NTMT1: variants seen among roughly 807,000 people sequenced by gnomAD.
The protein encoded by NTMT1 is N-terminal Xaa-Pro-Lys N-methyltransferase 1.
In NTMT1, 8 loss-of-function variants were observed where a neutral mutation model predicts 17.5. The ratio of observed to expected loss-of-function variants is 0.46; its 90% CI spans 0.27 to 0.82. NTMT1 has a LOEUF of 0.82. Ranked by LOEUF, NTMT1 falls within the 40% of genes least tolerant of loss-of-function variation. The probability of loss-of-function intolerance (pLI) is 0.15; values close to 1 mark genes in which losing one functional copy is unlikely to be tolerated. For synonymous variants in NTMT1, 128 were observed against 126.8 expected (o/e 1.01, Z -0.06); for missense variants, 221 against 303.5 (o/e 0.73, Z 2.02).
chr9:129,619,491 A>G (rs1830561375), intron 1 of NTMT1: 2 of 1,535,358 alleles, frequency 1.3e-6, no homozygotes, highest in African/African-American at 2.7e-5. Flanking sequence ...TTCCTCCACT[A>G]CCCTACCCTT....
intron 1 of NTMT1, chr9:129,612,377 G>A (rs1171815020): frequency 7.4e-6 from 12 of 1,613,688 alleles, no homozygotes; most frequent in Non-Finnish European, 1.0e-5. Context: ...GTGTTGCGGA[G>A]GCCAGGAGGA....
At chr9:129,632,618 G>A in intron 1 of NTMT1, 32 bp from the exon 2 acceptor site, 1 of 1,537,478 alleles carries the variant, frequency 6.5e-7, no homozygotes, top group Admixed American at 1.8e-5. Context: ...CAGGTCCCTG[G>A]CCCGCTGACT....
chr9:129,633,967 T>C, intron 2 of NTMT1, 87 bp from the exon 3 acceptor site: 3 of 1,457,686 alleles, frequency 2.1e-6, no homozygotes, highest in Non-Finnish European at 9.2e-7. Context: ...GAATCCTGAC[T>C]TGAGTCTAAG....
In NTMT1 at chr9:129,614,377, G is replaced by T. The variant is rs1830245440; in HGVS notation, c.-55+5199G>T. Among the ~76,000 whole-genome samples, 1 of 152,170 alleles carries T rather than the reference G, an allele frequency of 6.6e-6. No individual in the cohort carries two copies. The highest frequency in any genetic ancestry group is 2.4e-5 in the African/African-American group (1 of 41,430). ...TCAGATCCCTCCCAAATCAGCGAAGGTCCTAGGTTTGCAGGGCATCGCCCA... is the reference window on the plus strand; with the variant it reads ...TCAGATCCCTCCCAAATCAGCGAAGTTCCTAGGTTTGCAGGGCATCGCCCA... On this transcript the variant is annotated intron_variant, in intron 1 of 3. Transcript: ENST00000372486. This position sits in a 1 kb window ranked among gnomAD's most constrained non-coding sequence, Gnocchi z 4.4.
chr9:129,612,381 AGGAGGAGAT>A, intron 1 of NTMT1: 1 of 1,613,888 alleles, frequency 6.2e-7, no homozygotes, highest in Non-Finnish European at 8.5e-7. Flanking sequence ...TGCGGAGGCC[AGGAGGAGAT>A]GGTACCCCTT....
In NTMT1 at chr9:129,620,574, T is replaced by C; in HGVS notation, c.-55+11396T>C. ...CCTGGGCGAAGTCGACGCCAGAACA[T>C]GCTTGGCCCCGCACTCAGCTCACCG... On this transcript the variant is annotated intron_variant, in intron 1 of 3. Coordinates refer to the NTMT1 transcript ENST00000372486. The surrounding 1 kb of genome is among the most constrained non-coding windows in gnomAD (Gnocchi z 5.8). 2 of 1,360,452 alleles carry C rather than the reference T, an allele frequency of 1.5e-6. No individual in the cohort carries two copies. Among genetic ancestry groups the C allele is most frequent in the Admixed American group, 5.9e-5 (2 of 33,744 alleles). 84.3% of individuals were successfully genotyped at this position (1,360,452 alleles called of 1,614,324 possible). A position where few individuals can be genotyped will look rare whatever the true frequency, so the allele number is the denominator to read the frequency against.
chr9:129,623,593 G>T (rs1294107992), upstream of NTMT1, among the ~76,000 whole-genome samples: 1 of 152,070 alleles, frequency 6.6e-6, no homozygotes, highest in African/African-American at 2.4e-5. Context: ...TGAAAATGAA[G>T]AAACGACTTT....
At chr9:129,633,730 G>T (rs531782136) in intron 2 of NTMT1, 2 of 236,018 alleles carry the variant, frequency 8.5e-6, no homozygotes, top group East Asian at 1.8e-4. Flanking sequence ...GGAGGCTGAG[G>T]TGGGAAGATG....
intron 1 of NTMT1, among the ~76,000 whole-genome samples, chr9:129,616,949 C>T (rs1830419590): frequency 6.6e-6 from 1 of 152,092 alleles, no homozygotes; most frequent in African/African-American, 2.4e-5. Flanking sequence ...TGGCGTGCGC[C>T]TGTAGTTCCA....
Position 129,635,306 on chromosome 9 carries a change from G to A in NTMT1, c.514G>A (p.Glu172Lys). The change falls in exon 4 of 4, where the codon GAG becomes AAG. Residue 172 changes from glutamate to lysine, a missense_variant. Glu to Lys is a moderately conservative substitution (Grantham distance 56). Coordinates refer to ENST00000372483, the MANE Select transcript of NTMT1 (RefSeq NM_014064.4). ...CGTCATCAAAGACAACATGGCCCAG[G>A]AGGGCGTGATTCTGGACGACGTGGA... The part of the protein sequence containing the change: ...IIVIKDNMAQ[E>K]GVILDDVDSS... 6.2e-7 allele frequency: 1 copy of A among 1,613,840 alleles called. No homozygotes were observed. The highest frequency in any genetic ancestry group is 1.3e-5 in the African/African-American group (1 of 75,082).
At chr9:129,631,179 C>T (rs1228029161) in intron 1 of NTMT1, among the ~76,000 whole-genome samples, 1 of 152,260 alleles carries the variant, frequency 6.6e-6, no homozygotes, top group African/African-American at 2.4e-5. Flanking sequence ...CTGCCCCTAT[C>T]TGCTGTTGGG....
In NTMT1 at chr9:129,634,089, G is replaced by A. The variant is rs1297033975; in HGVS notation, c.198G>A (p.Leu66=). ...GPNKTGTSCA[L]DCGAGIGRIT... ...ACAAGACAGGAACGTCCTGTGCCCTGGACTGTGGAGCTGGCATTGGGAGGA... is the reference window on the plus strand; with the variant it reads ...ACAAGACAGGAACGTCCTGTGCCCTAGACTGTGGAGCTGGCATTGGGAGGA... Residue 66 remains leucine (L), a synonymous_variant, in exon 3 of 4, where the codon CTG becomes CTA. Coordinates refer to ENST00000372483, the MANE Select transcript of NTMT1 (RefSeq NM_014064.4). 3.1e-6 allele frequency: 5 copies of A among 1,614,158 alleles called. No individual in the cohort carries two copies. The highest frequency in any genetic ancestry group is 2.5e-6 in the Non-Finnish European group (3 of 1,180,034).
At position 129,616,221 on chromosome 9, in the gene NTMT1, T is replaced by C. The variant is rs1830369600; in HGVS notation, c.-55+7043T>C. On this transcript the variant is annotated intron_variant, in intron 1 of 3. Transcript: ENST00000372486. ...ACTAACAGGGAGCTGTTTTTTGTTT[T>C]TGTTTTGTTTTTGAGACAGATTCTC... Among the ~76,000 whole-genome samples, 2 of 152,162 alleles carry C rather than the reference T, an allele frequency of 1.3e-5. 1 individual carries two copies. The highest frequency in any genetic ancestry group is 4.2e-4 in the South Asian group (2 of 4,812).
chr9:129,631,040 G>A (rs1831134877), intron 1 of NTMT1, among the ~76,000 whole-genome samples: 1 of 152,150 alleles, frequency 6.6e-6, no homozygotes, highest in Admixed American at 6.5e-5. Context: ...ACCTTCCACA[G>A]TCTTCCCCCG....
intron 1 of NTMT1, chr9:129,615,654 G>T: frequency 6.5e-7 from 1 of 1,537,066 alleles, no homozygotes. Context: ...CCTGCTGAGA[G>T]AGGGGAGAGG....
chr9:129,614,846 G>A lies in NTMT1; in HGVS notation c.-55+5668G>A, dbSNP rs925845800. ...GAACCCGGGAGGTGGAGCTTGCAGC[G>A]AGCCGAGATCGCGCCACTGCACTCC... On this transcript the variant is annotated intron_variant, in intron 1 of 3. Coordinates refer to the NTMT1 transcript ENST00000372486. The surrounding 1 kb of genome is among the most constrained non-coding windows in gnomAD (Gnocchi z 4.4). 3.9e-5 allele frequency among the ~76,000 whole-genome samples: 6 copies of A among 152,242 alleles called. No homozygotes were observed. Among genetic ancestry groups the A allele is most frequent in the African/African-American group, 9.6e-5 (4 of 41,520 alleles).
chr9:129,620,730 G>T lies in NTMT1; in HGVS notation c.-55+11552G>T. On this transcript the variant is annotated intron_variant, in intron 1 of 3. Coordinates refer to the NTMT1 transcript ENST00000372486. This position sits in a 1 kb window ranked among gnomAD's most constrained non-coding sequence, Gnocchi z 5.8. The stretch of plus-strand genomic sequence containing the variant: ...CCACCGGCCCGGCGGACAGCGAGTG[G>T]CTTCAGGCGAGAGCTCCCAGAGCCT... 1.6e-6 allele frequency: 1 copy of T among 630,588 alleles called. No individual in the cohort carries two copies. The highest frequency in any genetic ancestry group is 2.3e-6 in the Non-Finnish European group (1 of 439,644). The allele number at this position is 630,588 out of a possible 1,614,324, so 39.1% of individuals were successfully genotyped here. A position where few individuals can be genotyped will look rare whatever the true frequency, so the allele number is the denominator to read the frequency against.
chr9:129,632,978 C>T, intron 2 of NTMT1, 113 bp downstream of exon 2: 1 of 1,219,118 alleles, frequency 8.2e-7, no homozygotes, highest in Non-Finnish European at 1.2e-6. Flanking sequence ...TTGGCTATCT[C>T]TTGGTACCTA....
chr9:129,627,564 T>G (rs1830959653), intron 1 of NTMT1, among the ~76,000 whole-genome samples: 1 of 152,244 alleles, frequency 6.6e-6, no homozygotes, highest in Non-Finnish European at 1.5e-5. Context: ...ATTTTATAGG[T>G]GAACTGAGGA....
Sources: gnomAD v4.1 joint callset for allele counts (sites outside exome capture counted in the v4.1 genomes callset) on GRCh38, gnomAD v4.1.1 for gene constraint, Gnocchi (gnomAD v3.1) non-coding constraint, MANE v1.5 for transcripts, NCBI Gene and HGNC (gene_info 2026-07-23, HGNC 2026-07-21) for gene names.